Variants in ARHGAP17 observed in about 807,000 individuals in gnomAD.
The protein encoded by ARHGAP17 is rho GTPase-activating protein 17.
Under a neutral mutation model 99.5 loss-of-function variants are expected in ARHGAP17, and 57 were observed. The observed-to-expected ratio is 0.57, with a 90% CI of 0.46 to 0.71. ARHGAP17 has a LOEUF of 0.71. Ranked by LOEUF, ARHGAP17 falls within the 30% of genes least tolerant of loss-of-function variation. ARHGAP17 has a pLI of 0.00. For synonymous variants in ARHGAP17, 417 were observed against 429.6 expected (o/e 0.97, Z 0.36); for missense variants, 1,000 against 1,122.4 (o/e 0.89, Z 1.56).
At position 24,939,398 on chromosome 16, in the gene ARHGAP17, T is replaced by G. The variant is rs1159399865; in HGVS notation, c.1690A>C (p.Ile564Leu). 1.3e-5 allele frequency: 21 copies of G among 1,610,078 alleles called. No homozygotes were observed. The highest frequency in any genetic ancestry group is 1.7e-5 in the Non-Finnish European group (20 of 1,179,746). The change falls in exon 17 of 20, where the codon ATA (isoleucine) becomes CTA (leucine). Residue 564 changes from isoleucine (I) to leucine (L), a missense_variant. Physicochemically the swap from Ile to Leu is conservative, Grantham distance 5 (BLOSUM62 2). Around this residue, in one of 2 missense-constraint regions of ARHGAP17, gnomAD observed 528 missense variants for 511.4 expected, o/e 1.03. Transcript: ENST00000289968. ...GGGTVPSSAG[I>L]LEQGPSPGDG... ...CCTGGGCTCGGCCCCTGCTCCAGTATGCCCGCGGAAGAGGGGACAGTCCCA... is the reference window on the plus strand; with the variant it reads ...CCTGGGCTCGGCCCCTGCTCCAGTAGGCCCGCGGAAGAGGGGACAGTCCCA...
At chr16:24,979,661 C>G (rs959554295) in intron 1 of ARHGAP17, among the ~76,000 whole-genome samples, 1 of 152,008 alleles carries the variant, frequency 6.6e-6, no homozygotes, top group African/African-American at 2.4e-5. Context: ...GGGGGCATTC[C>G]GAGCTGGCGG....
chr16:24,929,776 A>G, intron 19 of ARHGAP17: 1 of 510,816 alleles, frequency 2.0e-6, no homozygotes. Flanking sequence ...ATTATGTATT[A>G]TATTCCTGAA....
At chr16:24,958,601 A>G (rs2051882928) in intron 9 of ARHGAP17, among the ~76,000 whole-genome samples, 1 of 152,258 alleles carries the variant, frequency 6.6e-6, no homozygotes, top group Admixed American at 6.5e-5. Flanking sequence ...AGATCTGACT[A>G]TATGGTCAGG....
Position 24,985,991 on chromosome 16 carries a change from G to A in ARHGAP17, c.54-6986C>T, listed in dbSNP as rs141485188. Among the ~76,000 whole-genome samples the A allele has an allele frequency of 2.2e-4, 34 of 152,148 alleles. No individual in the cohort carries two copies. In the East Asian group the frequency reaches 5.4e-3, roughly 24 times the overall value. On this transcript the variant is annotated intron_variant, in intron 1 of 19. Coordinates refer to ENST00000289968, the MANE Select transcript of ARHGAP17 (RefSeq NM_001006634.3). ...TGGATATACCATGTTCTACTTAACT[G>A]CACGAAAGCAAGGCAGCACCACCAA...
chr16:24,931,224 G>T lies in ARHGAP17; in HGVS notation c.2075C>A (p.Pro692His). ...TGQPPGQPSA[P>H]SQLSAPRRYS... Reference sequence around the variant, plus strand: ...CCTCCGGGGTGCTGAGAGCTGGGAGGGGGCGGAGGGCTGGCCTGGAGGCTG... The same window carrying T: ...CCTCCGGGGTGCTGAGAGCTGGGAGTGGGCGGAGGGCTGGCCTGGAGGCTG... Residue 692 changes from proline to histidine, a missense_variant, in exon 19 of 20, where the codon CCC (proline) becomes CAC (histidine). By Grantham distance (77) the Pro-to-His change is moderately conservative (BLOSUM62 -2). Transcript: ENST00000289968. 6.4e-7 allele frequency: 1 copy of T among 1,560,240 alleles called. No individual in the cohort carries two copies. The highest frequency in any genetic ancestry group is 1.2e-5 in the South Asian group (1 of 81,846).
chr16:24,928,302 A>G (rs2050893342), intron 19 of ARHGAP17, among the ~76,000 whole-genome samples: 1 of 152,236 alleles, frequency 6.6e-6, no homozygotes. Flanking sequence ...AACTCTGGTA[A>G]CCTGGAATTT....
At position 24,980,915 on chromosome 16, in the gene ARHGAP17, G is replaced by C. The variant is rs146674589; in HGVS notation, c.54-1910C>G. Among the ~76,000 whole-genome samples the C allele has an allele frequency of 1.4e-4, 22 of 152,232 alleles. No homozygotes were observed. In the East Asian group the frequency reaches 4.2e-3, roughly 29 times the overall value. ...TGTAAGTACGAGTATACACAGAGAA[G>C]TCTCAAGGCCTATTAAAATTTTCAC... On this transcript the variant is annotated intron_variant, in intron 1 of 19. Transcript: ENST00000289968.
intron 1 of ARHGAP17, among the ~76,000 whole-genome samples, chr16:25,001,551 A>C (rs894128400): frequency 3.9e-5 from 6 of 152,198 alleles, no homozygotes; most frequent in Non-Finnish European, 7.3e-5. Context: ...TAAGAGAGAT[A>C]CTGAAAAAAG....
intron 1 of ARHGAP17, among the ~76,000 whole-genome samples, chr16:24,996,363 G>A (rs1433930142): frequency 6.6e-6 from 1 of 152,148 alleles, no homozygotes; most frequent in South Asian, 2.1e-4. Flanking sequence ...GTCTTCTGGG[G>A]ATGGAGCATT....
intron 19 of ARHGAP17, among the ~76,000 whole-genome samples, chr16:24,923,307 A>T (rs1190484478): frequency 6.6e-6 from 1 of 152,228 alleles, no homozygotes; most frequent in African/African-American, 2.4e-5. Context: ...TGTTGTAAAA[A>T]GGAGAAAATG....
At chr16:25,015,153 C>A in intron 1 of ARHGAP17, 56 bp downstream of exon 1, 1 of 1,229,618 alleles carries the variant, frequency 8.1e-7, no homozygotes, top group South Asian at 3.4e-5. Flanking sequence ...GCCCCCGCGC[C>A]CTCCGCCCTC....
chr16:24,977,513 GA>G (rs2052554532), intron 2 of ARHGAP17, 194 bp from the exon 3 acceptor site: 1 of 411,794 alleles, frequency 2.4e-6, no homozygotes, highest in African/African-American at 2.0e-5. Flanking sequence ...GGACCAGGCA[GA>G]AATGAAAATG....
At chr16:24,931,854 G>A (rs1030152239) in intron 18 of ARHGAP17, among the ~76,000 whole-genome samples, 2 of 152,192 alleles carry the variant, frequency 1.3e-5, no homozygotes, top group African/African-American at 4.8e-5. Context: ...AGTGGCTCAC[G>A]CCTGTGATCT....
intron 19 of ARHGAP17, among the ~76,000 whole-genome samples, chr16:24,924,879 A>T (rs992901496): frequency 7.4e-5 from 11 of 147,884 alleles, no homozygotes; most frequent in East Asian, 2.0e-4. Context: ...AAAAAAAAAT[A>T]AAAAAAAAAG....
intron 1 of ARHGAP17, among the ~76,000 whole-genome samples, chr16:25,006,616 G>A (rs553791638): frequency 1.3e-5 from 2 of 152,340 alleles, no homozygotes; most frequent in South Asian, 4.1e-4. Context: ...TGAAGTGCCA[G>A]AGGATAAATA....
intron 1 of ARHGAP17, among the ~76,000 whole-genome samples, chr16:24,983,689 C>T (rs1340615153): frequency 1.3e-5 from 2 of 152,118 alleles, no homozygotes; most frequent in African/African-American, 2.4e-5. Flanking sequence ...TTGTGTCCAA[C>T]GTTCTGGGCT....
chr16:24,967,794 A>G (rs530045148), intron 6 of ARHGAP17, among the ~76,000 whole-genome samples: 46 of 152,058 alleles, frequency 3.0e-4, no homozygotes, highest in African/African-American at 9.4e-4. Flanking sequence ...AAAAAAAAAA[A>G]AAAGAAAAGG....
At chr16:24,948,618 G>A (rs1383454454) in intron 13 of ARHGAP17, among the ~76,000 whole-genome samples, 3 of 152,040 alleles carry the variant, frequency 2.0e-5, no homozygotes, top group African/African-American at 4.8e-5. Flanking sequence ...CAAGGTGGGT[G>A]AGTTAAATTA....
At chr16:24,998,395 G>A (rs778824637) in intron 1 of ARHGAP17, among the ~76,000 whole-genome samples, 4 of 152,008 alleles carry the variant, frequency 2.6e-5, no homozygotes, top group Non-Finnish European at 4.4e-5. Context: ...CACAGGTGGC[G>A]GGGCCTTGGA....
Sources: gnomAD v4.1 joint callset for allele counts (sites outside exome capture counted in the v4.1 genomes callset) on GRCh38, gnomAD v4.1.1 for gene constraint, gnomAD v4.1.1 regional missense constraint, MANE v1.5 for transcripts, NCBI Gene and HGNC (gene_info 2026-07-23, HGNC 2026-07-21) for gene names.